Variants in STRBP observed in about 807,000 individuals in gnomAD.
The protein encoded by STRBP is spermatid perinuclear RNA-binding protein.
In STRBP, 13 loss-of-function variants were observed where a neutral mutation model predicts 80.1. That is an observed-to-expected ratio of 0.16 (90% CI 0.11 to 0.26). The LOEUF (loss-of-function observed/expected upper bound fraction) is 0.26. Ranked by LOEUF, STRBP falls within the 10% of genes least tolerant of loss-of-function variation. The probability of loss-of-function intolerance (pLI) is 1.00; values close to 1 mark genes in which losing one functional copy is unlikely to be tolerated. For synonymous variants in STRBP, 284 were observed against 291.2 expected (o/e 0.98, Z 0.25); for missense variants, 485 against 815.2 (o/e 0.59, Z 4.93).
chr9:123,183,725 A>G (rs764823871), intron 3 of STRBP, among the ~76,000 whole-genome samples: 15 of 152,208 alleles, frequency 9.9e-5, no homozygotes, highest in Non-Finnish European at 2.1e-4. Context: ...TCAGTTAAAC[A>G]TTCACACATA....
chr9:123,146,119 A>G (rs1389208150), intron 13 of STRBP, among the ~76,000 whole-genome samples: 2 of 152,048 alleles, frequency 1.3e-5, no homozygotes, highest in East Asian at 1.9e-4. Flanking sequence ...ATACTGTTAT[A>G]TGAAAGAACT....
At chr9:123,234,284 TTAGA>T (rs572253514) in intron 2 of STRBP, among the ~76,000 whole-genome samples, 13 of 150,742 alleles carry the variant, frequency 8.6e-5, no homozygotes, top group Non-Finnish European at 1.5e-4. Flanking sequence ...AACATTAAAA[TTAGA>T]TAGGCTAATT....
intron 1 of STRBP, among the ~76,000 whole-genome samples, chr9:123,245,039 A>G (rs759199831): frequency 3.3e-5 from 5 of 152,240 alleles, no homozygotes; most frequent in Non-Finnish European, 1.5e-5. Context: ...CCTGAGTGAA[A>G]AAGCCAAGCT....
rs10689260 is a variant in STRBP, at chr9:123,218,355, C to CTTTTTTT, written c.-165+18468_-165+18474dup. On this transcript the variant is annotated intron_variant, in intron 2 of 18. Coordinates refer to ENST00000348403, the MANE Select transcript of STRBP (RefSeq NM_018387.5). The stretch of plus-strand genomic sequence containing the variant: ...CAGCTTATTTATACATTAAATATGA[C>CTTTTTTT]TTTTTTTTTTTTTTTTTTTTTTTTT... Among the ~76,000 whole-genome samples the CTTTTTTT allele has an allele frequency of 4.2e-4, 43 of 102,436 alleles. 1 individual carries two copies. Among genetic ancestry groups the CTTTTTTT allele is most frequent in the African/African-American group, 1.3e-3 (29 of 22,772 alleles). The allele number at this position is 102,436 out of a possible 152,430, so 67.2% of individuals were successfully genotyped here.
intron 2 of STRBP, among the ~76,000 whole-genome samples, chr9:123,223,026 TGAAG>T (rs1002786563): frequency 6.7e-6 from 1 of 149,626 alleles, no homozygotes; most frequent in Non-Finnish European, 1.5e-5. Flanking sequence ...AAAAAAGACA[TGAAG>T]GAAGCTCAGA....
chr9:123,203,645 T>C (rs1039654201), intron 2 of STRBP, among the ~76,000 whole-genome samples: 8 of 152,074 alleles, frequency 5.3e-5, no homozygotes. Context: ...TCAAATGTCA[T>C]CTTATGAGCC....
rs1253163113 is a variant in STRBP at position 123,125,521 on chromosome 9, G to A, written c.*76C>T. On this transcript the variant is annotated 3_prime_UTR_variant, in exon 19 of 19. Coordinates refer to ENST00000348403, the MANE Select transcript of STRBP (RefSeq NM_018387.5). ...ATCAAGTATGTGTTCAAAGAAAGCAGGATAAAAAGGCTTTTTCTCTAACAT... is the reference window on the plus strand; with the variant it reads ...ATCAAGTATGTGTTCAAAGAAAGCAAGATAAAAAGGCTTTTTCTCTAACAT... 7.1e-7 allele frequency: 1 copy of A among 1,407,938 alleles called. No homozygotes were observed. The highest frequency in any genetic ancestry group is 1.5e-5 in the African/African-American group (1 of 68,532). The allele number at this position is 1,407,938 out of a possible 1,614,324, so 87.2% of individuals were successfully genotyped here. A position where few individuals can be genotyped will look rare whatever the true frequency, so the allele number is the denominator to read the frequency against.
chr9:123,227,584 G>C (rs1414741253), intron 2 of STRBP, among the ~76,000 whole-genome samples: 1 of 37,002 alleles, frequency 2.7e-5, no homozygotes, highest in Non-Finnish European at 5.2e-5. Flanking sequence ...TTTTTTTTTT[G>C]AGATAGAGTC....
chr9:123,118,942 CT>C (rs2035687494), downstream of STRBP, among the ~76,000 whole-genome samples: 2 of 152,158 alleles, frequency 1.3e-5, no homozygotes, highest in Non-Finnish European at 2.9e-5. Flanking sequence ...CCATTTTCCT[CT>C]TATCGAAAAA....
chr9:123,263,861 T>C lies in STRBP; in HGVS notation c.-302+4575A>G, dbSNP rs571590727. Among the ~76,000 whole-genome samples, 7 of 152,284 alleles carry C rather than the reference T, an allele frequency of 4.6e-5. No individual in the cohort carries two copies. In the East Asian group the frequency reaches 9.6e-4, roughly 21 times the overall value. On this transcript the variant is annotated intron_variant, in intron 1 of 18. Coordinates refer to ENST00000348403, the MANE Select transcript of STRBP (RefSeq NM_018387.5). ...TTTCTGCAAAATACATAGGAAAATG[T>C]ATTATGTTTATTATTTCTGATATAA...
At chr9:123,170,164 G>A (rs2037947171) in intron 5 of STRBP, 118 bp from the exon 6 acceptor site, 1 of 986,034 alleles carries the variant, frequency 1.0e-6, no homozygotes, top group Non-Finnish European at 1.4e-6. Context: ...TGTGCTCAAA[G>A]GGCAAAGAAA....
intron 2 of STRBP, among the ~76,000 whole-genome samples, chr9:123,197,727 T>C (rs1339496364): frequency 8.0e-6 from 1 of 124,702 alleles, no homozygotes; most frequent in Non-Finnish European, 1.6e-5. Flanking sequence ...TAGGCTGGAA[T>C]GCAGTAGCGC....
chr9:123,182,971 T>A (rs1157581853), intron 3 of STRBP, among the ~76,000 whole-genome samples: 1 of 146,980 alleles, frequency 6.8e-6, no homozygotes, highest in East Asian at 2.0e-4. Flanking sequence ...GCTATGATCA[T>A]GTCACTGCAC....
intron 1 of STRBP, among the ~76,000 whole-genome samples, chr9:123,253,013 T>C (rs1372759303): frequency 6.6e-6 from 1 of 152,192 alleles, no homozygotes. Context: ...GGGGCAAAAA[T>C]GTAATTACAA....
At chr9:123,128,917 A>G (rs1162436468) in intron 17 of STRBP, among the ~76,000 whole-genome samples, 3 of 152,224 alleles carry the variant, frequency 2.0e-5, no homozygotes, top group Non-Finnish European at 4.4e-5. Flanking sequence ...TACCTATGAA[A>G]AAGGCTCACA....
At position 123,146,910 on chromosome 9, in the gene STRBP, G is replaced by C; in HGVS notation, c.1283C>G (p.Thr428Arg). ...CTTGGATGGTCCTGAGGCTTCATATGTTGTGCCATCCACATCTACAGACAT... is the reference window on the plus strand; with the variant it reads ...CTTGGATGGTCCTGAGGCTTCATATCTTGTGCCATCCACATCTACAGACAT... ...FTMSVDVDGT[T>R]YEASGPSKKT... The change falls in exon 13 of 19, where the codon ACA becomes AGA. Residue 428 changes from threonine to arginine, a missense_variant. Physicochemically the swap from Thr to Arg is moderately conservative, Grantham distance 71 (BLOSUM62 -1). Transcript: ENST00000348403. 1 of 1,614,070 alleles carries C rather than the reference G, an allele frequency of 6.2e-7. No individual in the cohort carries two copies. The highest frequency in any genetic ancestry group is 8.5e-7 in the Non-Finnish European group (1 of 1,179,986).
chr9:123,119,338 A>AT (rs923029676), downstream of STRBP, among the ~76,000 whole-genome samples: 1 of 151,540 alleles, frequency 6.6e-6, no homozygotes, highest in African/African-American at 2.4e-5. Flanking sequence ...GCAGGTAGAT[A>AT]TTCTAAGATC....
chr9:123,181,504 C>A (rs2038456952), intron 3 of STRBP, among the ~76,000 whole-genome samples: 1 of 152,084 alleles, frequency 6.6e-6, no homozygotes, highest in Non-Finnish European at 1.5e-5. Context: ...CACCATGAAA[C>A]AACAGTGACA....
At chr9:123,203,207 A>C (rs1213577628) in intron 2 of STRBP, among the ~76,000 whole-genome samples, 1 of 152,070 alleles carries the variant, frequency 6.6e-6, no homozygotes, top group Non-Finnish European at 1.5e-5. Flanking sequence ...TTAGGCAGGC[A>C]TGGTGGCGTG....
Sources: gnomAD v4.1 joint callset for allele counts (sites outside exome capture counted in the v4.1 genomes callset) on GRCh38, gnomAD v4.1.1 for gene constraint, MANE v1.5 for transcripts, NCBI Gene and HGNC (gene_info 2026-07-23, HGNC 2026-07-21) for gene names.